The following VPS35L variants were observed in gnomAD, a reference collection of about 807,000 sequenced individuals.
The protein encoded by VPS35L is VPS35 endosomal protein sorting factor like, also known as VPS35 endosomal protein-sorting factor-like.
Under a neutral mutation model 133.0 loss-of-function variants are expected in VPS35L, and 83 were observed. The observed-to-expected ratio is 0.62, with a 90% CI of 0.52 to 0.75. The LOEUF (loss-of-function observed/expected upper bound fraction) is 0.75, where lower values mean the gene tolerates loss of function less well. Among genes scored for constraint, VPS35L ranks in the 30% least tolerant of loss-of-function variants. The pLI, the probability that VPS35L is intolerant of heterozygous loss-of-function variation, is 0.00. For synonymous variants in VPS35L, 423 were observed against 449.9 expected, an observed-to-expected ratio of 0.94 and a Z score of 0.76; for missense variants, 1,083 against 1,206.8, an observed-to-expected ratio of 0.90 and a Z score of 1.52.
At chr16:19,584,254 T>G (rs1357804449) in intron 7 of VPS35L, among the ~76,000 whole-genome samples, 3 of 152,186 alleles carry the variant, frequency 2.0e-5, no homozygotes, top group Non-Finnish European at 4.4e-5. Flanking sequence ...GGTAGTTCTA[T>G]TTTTAGTTTT....
rs1359818642 is a variant in VPS35L at position 19,640,052 on chromosome 16, A to T, written c.1736A>T (p.Glu579Val). 2.5e-6 allele frequency: 4 copies of T among 1,614,190 alleles called. No individual in the cohort carries two copies. The Admixed American group carries it at 6.7e-5, about 27-fold the overall frequency. ...FLPFLDMFQK[E>V]SVRVEVCKCI... ...CCGTTTCTGGACATGTTCCAAAAAG[A>T]GAGTGTGCGGGTGGAGGTTTGCAAA... is the stretch of plus-strand genomic sequence containing the variant. Residue 579 changes from glutamate to valine, a missense_variant, in exon 21 of 31, where the codon GAG becomes GTG. Coordinates refer to ENST00000417362, the MANE Select transcript of VPS35L (RefSeq NM_020314.7).
At chr16:19,688,679 C>G (rs1220862893) in intron 28 of VPS35L, among the ~76,000 whole-genome samples, 3 of 152,234 alleles carry the variant, frequency 2.0e-5, no homozygotes, top group African/African-American at 7.2e-5. Context: ...AGATGCTGAA[C>G]TGGGCTCCCC....
chr16:19,598,920 G>A (rs1420295373), intron 8 of VPS35L, among the ~76,000 whole-genome samples: 1 of 152,186 alleles, frequency 6.6e-6, no homozygotes, highest in African/African-American at 2.4e-5. Flanking sequence ...CACCATGGGA[G>A]GTGAGAAGTT....
chr16:19,565,550 G>T (rs138061901), intron 2 of VPS35L, among the ~76,000 whole-genome samples: 7 of 152,082 alleles, frequency 4.6e-5, no homozygotes, highest in Non-Finnish European at 1.0e-4. Context: ...ACAGGGTTTC[G>T]CCATGTTGGC....
chr16:19,697,851 T>C (rs1168346542), intron 29 of VPS35L, among the ~76,000 whole-genome samples: 4 of 152,214 alleles, frequency 2.6e-5, no homozygotes, highest in Non-Finnish European at 4.4e-5. Context: ...GAGCACAGGC[T>C]CTGGAGTCAG....
Position 19,700,702 on chromosome 16 carries a change from T to C in VPS35L, c.*226T>C. ...TCTTCACTAAGAAGCAGTCTCTGTG[T>C]TGTCTTTGCACAAGTGGCCTTCGGT... On this transcript the variant is annotated 3_prime_UTR_variant, in exon 31 of 31. Transcript: ENST00000417362. 1.9e-6 allele frequency: 1 copy of C among 518,504 alleles called. No homozygotes were observed. The highest frequency in any genetic ancestry group is 3.2e-5 in the Admixed American group (1 of 30,912). 32.1% of individuals were successfully genotyped at this position (518,504 alleles called of 1,614,324 possible). A position where few individuals can be genotyped will look rare whatever the true frequency, so the allele number is the denominator to read the frequency against.
chr16:19,632,882 G>A (rs1002979343), intron 18 of VPS35L, among the ~76,000 whole-genome samples: 2 of 152,258 alleles, frequency 1.3e-5, no homozygotes, highest in African/African-American at 4.8e-5. Context: ...TGAGAAGAGC[G>A]TTTAGTCCTG....
chr16:19,622,717 C>G (rs1011256733), intron 14 of VPS35L, among the ~76,000 whole-genome samples: 4 of 152,158 alleles, frequency 2.6e-5, no homozygotes, highest in African/African-American at 9.7e-5. Context: ...CACAGAATCT[C>G]TTTTCCTCTC....
intron 27 of VPS35L, 50 bp downstream of exon 27, chr16:19,669,349 TATA>T: frequency 6.4e-7 from 1 of 1,562,478 alleles, no homozygotes; most frequent in Non-Finnish European, 8.7e-7. Context: ...TCACCTGCCT[TATA>T]ATATTATATG....
chr16:19,663,676 T>C (rs920000170), intron 26 of VPS35L, among the ~76,000 whole-genome samples: 4 of 144,958 alleles, frequency 2.8e-5, no homozygotes, highest in Non-Finnish European at 4.5e-5. Flanking sequence ...TTTCTTTTTT[T>C]TTTTTTTTTT....
chr16:19,569,679 T>G, intron 3 of VPS35L, 88 bp downstream of exon 3: 1 of 1,316,926 alleles, frequency 7.6e-7, no homozygotes, highest in South Asian at 1.6e-5. Flanking sequence ...CCCTTTTTTT[T>G]CCCCTGAGAG....
At chr16:19,571,669 C>G (rs1971389512) in intron 3 of VPS35L, among the ~76,000 whole-genome samples, 3 of 152,116 alleles carry the variant, frequency 2.0e-5, no homozygotes, top group East Asian at 3.9e-4. Flanking sequence ...CTCAGCCTAC[C>G]TAGTAGCTGG....
chr16:19,656,962 GTT>G (rs1180404849), intron 26 of VPS35L, among the ~76,000 whole-genome samples: 24 of 109,538 alleles, frequency 2.2e-4, no homozygotes, highest in African/African-American at 5.3e-4. Context: ...AAAAGAACTT[GTT>G]TTTTTTTTTT....
Position 19,591,775 on chromosome 16 carries a change from T to G in VPS35L, c.640-15T>G. 1 of 1,597,688 alleles carries G rather than the reference T, an allele frequency of 6.3e-7. No homozygotes were observed. Among genetic ancestry groups the G allele is most frequent in the South Asian group, 1.1e-5 (1 of 90,730 alleles). ...CATGCCAGAGTGAATTTTCTCTTTT[T>G]TTCTCTTTTTTTAGTGTTCAAAGCT... is the stretch of plus-strand genomic sequence containing the variant. On this transcript the variant is annotated splice_polypyrimidine_tract_variant and intron_variant, in intron 7 of 30. Transcript: ENST00000417362.
Position 19,657,052 on chromosome 16 carries a change from G to A in VPS35L, c.2221+4962G>A, listed in dbSNP as rs529555488. Among the ~76,000 whole-genome samples, 14 of 143,732 alleles carry A rather than the reference G, an allele frequency of 9.7e-5. No homozygotes were observed. The South Asian group carries it at 2.4e-3, about 25-fold the overall frequency. 94.3% of individuals were successfully genotyped at this position (143,732 alleles called of 152,430 possible). On this transcript the variant is annotated intron_variant, in intron 26 of 30. Transcript: ENST00000417362. ...GTGATCTCTGCTCGCTGCAACCTCC[G>A]TCTCCCAAGTTCAAGTGATTTTCCT...
intron 8 of VPS35L, among the ~76,000 whole-genome samples, chr16:19,592,592 C>G (rs556864329): frequency 1.3e-5 from 2 of 152,142 alleles, no homozygotes; most frequent in African/African-American, 4.8e-5. Flanking sequence ...ATCTGAGCAT[C>G]TTCCCCCACA....
intron 8 of VPS35L, among the ~76,000 whole-genome samples, chr16:19,596,223 A>G (rs1032589891): frequency 2.6e-5 from 4 of 152,100 alleles, no homozygotes; most frequent in Non-Finnish European, 5.9e-5. Context: ...AGCTCTCTGC[A>G]GTCAAAGCAC....
intron 26 of VPS35L, 27 bp downstream of exon 26, chr16:19,652,117 G>T (rs1974150115): frequency 6.9e-7 from 1 of 1,454,378 alleles, no homozygotes; most frequent in African/African-American, 1.4e-5. Context: ...CTCATCTCGG[G>T]CACTCCCTTG....
intron 12 of VPS35L, among the ~76,000 whole-genome samples, chr16:19,614,806 T>G (rs1555500641): frequency 6.6e-6 from 1 of 152,258 alleles, no homozygotes; most frequent in Non-Finnish European, 1.5e-5. Context: ...GTTTTAAACC[T>G]ATGAACTCCC....
Sources: gnomAD v4.1 joint callset for allele counts (sites outside exome capture counted in the v4.1 genomes callset) on GRCh38, gnomAD v4.1.1 for gene constraint, MANE v1.5 for transcripts, NCBI Gene and HGNC (gene_info 2026-07-23, HGNC 2026-07-21) for gene names.